The following CUX2 variants were observed in gnomAD, a reference collection of about 807,000 sequenced individuals.
CUX2 encodes the protein homeobox protein cut-like 2.
CUX2 carries 40 observed loss-of-function variants against 144.8 expected under a neutral mutation model. That is an observed-to-expected ratio of 0.28 (90% CI 0.21 to 0.36). The LOEUF (loss-of-function observed/expected upper bound fraction) is 0.36. Among genes scored for constraint, CUX2 ranks in the 10% least tolerant of loss-of-function variants. CUX2 has a pLI of 1.00. For missense variants in CUX2, 1,615 were observed against 1,994.0 expected, an observed-to-expected ratio of 0.81 and a Z score of 3.62; for synonymous variants, 827 against 875.6, an observed-to-expected ratio of 0.94 and a Z score of 0.98.
chr12:111,277,081 C>T lies in CUX2; in HGVS notation c.301+13242C>T, dbSNP rs1158144316. Among the ~76,000 whole-genome samples, 13 of 152,116 alleles carry T rather than the reference C, an allele frequency of 8.5e-5. No individual in the cohort carries two copies. Among genetic ancestry groups the T allele is most frequent in the Admixed American group, 8.5e-4 (13 of 15,268 alleles). On this transcript the variant is annotated intron_variant, in intron 4 of 21. Coordinates refer to ENST00000261726, the MANE Select transcript of CUX2 (RefSeq NM_015267.4). The surrounding 1 kb of genome is among the most constrained non-coding windows in gnomAD (Gnocchi z 5.0). Reference sequence around the variant, plus strand: ...GGTGGGGGTCTCATCTGCCCCCTGCCCTACCCAACCTTGTGGATGTGGGGG... The same window carrying T: ...GGTGGGGGTCTCATCTGCCCCCTGCTCTACCCAACCTTGTGGATGTGGGGG...
intron 1 of CUX2, among the ~76,000 whole-genome samples, chr12:111,082,789 G>T (rs1287507297): frequency 6.6e-6 from 1 of 152,198 alleles, no homozygotes; most frequent in Non-Finnish European, 1.5e-5. Context: ...ACACCCTGGG[G>T]GCCCTGAGCA....
chr12:111,222,151 C>T (rs930080353), intron 3 of CUX2, among the ~76,000 whole-genome samples: 2 of 152,182 alleles, frequency 1.3e-5, no homozygotes, highest in Admixed American at 1.3e-4. Flanking sequence ...CTCGCAGTTA[C>T]ATATCATTAA....
At chr12:111,117,346 T>C (rs1874369196) in intron 1 of CUX2, among the ~76,000 whole-genome samples, 1 of 152,206 alleles carries the variant, frequency 6.6e-6, no homozygotes, top group Non-Finnish European at 1.5e-5. Context: ...GGACCCAGGC[T>C]GATGGTGCAG....
intron 21 of CUX2, among the ~76,000 whole-genome samples, chr12:111,343,751 G>A (rs1381614099): frequency 6.6e-6 from 1 of 152,164 alleles, no homozygotes; most frequent in African/African-American, 2.4e-5. Context: ...ATAACTCTGG[G>A]TATAAACACA....
Position 111,320,007 on chromosome 12 carries a change from C to T in CUX2, c.2003-5C>T. On this transcript the variant is annotated splice_region_variant and splice_polypyrimidine_tract_variant and intron_variant, in intron 16 of 21. Coordinates refer to ENST00000261726, the MANE Select transcript of CUX2 (RefSeq NM_015267.4). This position sits in a 1 kb window ranked among gnomAD's most constrained non-coding sequence, Gnocchi z 8.1. ...CCTCGGGCCGTCCTGTCCCCCTCCC[C>T]GCAGGCGAGCCCAAGACCTCGGTGG... 1 of 1,504,232 alleles carries T rather than the reference C, an allele frequency of 6.6e-7. No homozygotes were observed. Among genetic ancestry groups the T allele is most frequent in the Non-Finnish European group, 8.8e-7 (1 of 1,133,284 alleles). The allele number at this position is 1,504,232 out of a possible 1,614,324, so 93.2% of individuals were successfully genotyped here.
chr12:111,245,656 G>C (rs971386255), intron 3 of CUX2, among the ~76,000 whole-genome samples: 6 of 152,106 alleles, frequency 3.9e-5, no homozygotes, highest in Non-Finnish European at 8.8e-5. Context: ...CTGGGAAAAA[G>C]AGAATGAGAA....
intron 4 of CUX2, among the ~76,000 whole-genome samples, chr12:111,290,589 A>C (rs1473710460): frequency 6.6e-6 from 1 of 151,628 alleles, no homozygotes; most frequent in Non-Finnish European, 1.5e-5. Context: ...CACCACACCC[A>C]GCTAATTTTT....
chr12:111,104,330 G>A (rs527685369), intron 1 of CUX2, among the ~76,000 whole-genome samples: 70 of 152,196 alleles, frequency 4.6e-4, no homozygotes, highest in Non-Finnish European at 7.6e-4. Flanking sequence ...GGGGCGTTAA[G>A]AAGGATTTAA....
At position 111,307,195 on chromosome 12, in the gene CUX2, C is replaced by G; in HGVS notation, c.1051-4C>G. The G allele has an allele frequency of 1.2e-6, 2 of 1,614,158 alleles. No individual in the cohort carries two copies. The highest frequency in any genetic ancestry group is 1.7e-6 in the Non-Finnish European group (2 of 1,180,026). On this transcript the variant is annotated splice_region_variant and splice_polypyrimidine_tract_variant and intron_variant, in intron 11 of 21. Coordinates refer to ENST00000261726, the MANE Select transcript of CUX2 (RefSeq NM_015267.4). This position sits in a 1 kb window ranked among gnomAD's most constrained non-coding sequence, Gnocchi z 4.1. ...AGCCTCACCATCTTTCTTTGCTCTT[C>G]TAGAAGCTGGAAGAGAAGCTCCAGG...
At chr12:111,108,031 AGTT>A (rs1873716687) in intron 1 of CUX2, among the ~76,000 whole-genome samples, 2 of 152,152 alleles carry the variant, frequency 1.3e-5, no homozygotes, top group Admixed American at 6.5e-5. Flanking sequence ...TGACGCATGG[AGTT>A]GTTATTTCCC....
intron 1 of CUX2, among the ~76,000 whole-genome samples, chr12:111,054,101 CCGAGAT>C (rs1309506278): frequency 2.6e-5 from 4 of 152,218 alleles, no homozygotes; most frequent in Non-Finnish European, 5.9e-5. Flanking sequence ...CTGCAATGAA[CCGAGAT>C]CGCGCCACTG....
Position 111,039,164 on chromosome 12 carries a change from G to A in CUX2, c.63+4924G>A, listed in dbSNP as rs147220183. Among the ~76,000 whole-genome samples, 2 of 152,054 alleles carry A rather than the reference G, an allele frequency of 1.3e-5. No homozygotes were observed. The highest frequency in any genetic ancestry group is 4.8e-5 in the African/African-American group (2 of 41,390). ...TTCTGAAAGGGCTGAATTTCCGGTG[G>A]CTTCCTGGCTATCTAATTCAAAGGC... On this transcript the variant is annotated intron_variant, in intron 1 of 21. Coordinates refer to ENST00000261726, the MANE Select transcript of CUX2 (RefSeq NM_015267.4). The surrounding 1 kb of genome is among the most constrained non-coding windows in gnomAD (Gnocchi z 4.2).
chr12:111,118,523 A>G (rs1055336643), intron 1 of CUX2, among the ~76,000 whole-genome samples: 1 of 152,124 alleles, frequency 6.6e-6, no homozygotes, highest in Non-Finnish European at 1.5e-5. Context: ...TTAACCATTT[A>G]CCAGCATACC....
chr12:111,274,255 A>T (rs1474483684), intron 4 of CUX2, among the ~76,000 whole-genome samples: 1 of 152,148 alleles, frequency 6.6e-6, no homozygotes, highest in Non-Finnish European at 1.5e-5. Flanking sequence ...ATTGTAAGGC[A>T]TGTGGGTTTG....
At chr12:111,226,691 A>G (rs898287803) in intron 3 of CUX2, among the ~76,000 whole-genome samples, 1 of 152,030 alleles carries the variant, frequency 6.6e-6, no homozygotes, top group Non-Finnish European at 1.5e-5. Flanking sequence ...TTTTTATATT[A>G]TTGATCTTTT....
chr12:111,226,770 G>A (rs190689592), intron 3 of CUX2, among the ~76,000 whole-genome samples: 1 of 152,302 alleles, frequency 6.6e-6, no homozygotes, highest in East Asian at 1.9e-4. Flanking sequence ...ATGGGCTGGC[G>A]TCTGGGCCGG....
chr12:111,326,820 C>T (rs188044684), intron 18 of CUX2, among the ~76,000 whole-genome samples: 1 of 152,108 alleles, frequency 6.6e-6, no homozygotes, highest in Non-Finnish European at 1.5e-5. Context: ...GAGAGGATCG[C>T]TTGAACCCAG....
chr12:111,119,144 T>C (rs1420062531), intron 1 of CUX2, among the ~76,000 whole-genome samples: 2 of 152,208 alleles, frequency 1.3e-5, no homozygotes, highest in Non-Finnish European at 2.9e-5. Context: ...AAATATTTTT[T>C]ACATTGTGGG....
At chr12:111,319,932 A>G in intron 16 of CUX2, 80 bp from the exon 17 acceptor site, 1 of 1,402,796 alleles carries the variant, frequency 7.1e-7, no homozygotes, top group Non-Finnish European at 9.2e-7. Context: ...GCTGGCATCA[A>G]CAGGGATGCT....
Sources: allele counts gnomAD v4.1 joint callset (sites outside exome capture counted in the v4.1 genomes callset), GRCh38; gene constraint gnomAD v4.1.1; non-coding constraint Gnocchi (gnomAD v3.1); transcripts MANE v1.5; gene names NCBI Gene and HGNC (gene_info 2026-07-23, HGNC 2026-07-21).